FARS2: variants seen among roughly 807,000 people sequenced by gnomAD.
FARS2 encodes phenylalanine--tRNA ligase, mitochondrial.
In FARS2, 40 loss-of-function variants were observed where a neutral mutation model predicts 46.4. That is an observed-to-expected ratio of 0.86 (90% confidence interval 0.67 to 1.12). The LOEUF is 1.12. Among genes scored for constraint, FARS2 ranks in the 50% most tolerant of loss-of-function variants. FARS2 has a pLI of 0.00. For missense variants in FARS2, 513 were observed against 567.9 expected, an observed-to-expected ratio of 0.90 and a Z score of 0.98; for synonymous variants, 234 against 214.9, an observed-to-expected ratio of 1.09 and a Z score of -0.78.
intron 1 of FARS2, among the ~76,000 whole-genome samples, chr6:5,357,877 A>C (rs1758038527): frequency 6.6e-6 from 1 of 152,232 alleles, no homozygotes; most frequent in Non-Finnish European, 1.5e-5. Flanking sequence ...GAAAAGAGTA[A>C]TGAAGAAACG....
chr6:5,377,573 A>T (rs1488820670), intron 2 of FARS2, among the ~76,000 whole-genome samples: 3 of 152,130 alleles, frequency 2.0e-5, no homozygotes, highest in Non-Finnish European at 4.4e-5. Context: ...TTGTTTTCTT[A>T]AATTTTATAC....
In FARS2 at chr6:5,358,196, A is replaced by T. The variant is rs563391416; in HGVS notation, c.-21-10354A>T. Among the ~76,000 whole-genome samples the T allele has an allele frequency of 4.6e-5, 7 of 152,308 alleles. No individual in the cohort carries two copies. In the South Asian group the frequency reaches 6.2e-4, roughly 14 times the overall value. On this transcript the variant is annotated intron_variant, in intron 1 of 6. Transcript: ENST00000274680. ...TGGTTTAGAGAGTTGATTTAAAAAAATTTTTAATTTTACTTGCCATAACTA... is the reference window on the plus strand; with the variant it reads ...TGGTTTAGAGAGTTGATTTAAAAAATTTTTTAATTTTACTTGCCATAACTA...
chr6:5,490,538 C>T (rs558731042), intron 4 of FARS2, among the ~76,000 whole-genome samples: 10 of 152,328 alleles, frequency 6.6e-5, no homozygotes, highest in East Asian at 5.8e-4. Flanking sequence ...CCCCAGTGAT[C>T]GCTGCTTCCT....
chr6:5,395,832 C>G (rs1427223960), intron 2 of FARS2, among the ~76,000 whole-genome samples: 1 of 152,190 alleles, frequency 6.6e-6, no homozygotes, highest in African/African-American at 2.4e-5. Context: ...TTCTCTGCAA[C>G]TTCAAATGTA....
intron 3 of FARS2, among the ~76,000 whole-genome samples, chr6:5,419,248 AT>A (rs927160296): frequency 6.6e-5 from 10 of 152,134 alleles, no homozygotes; most frequent in Non-Finnish European, 1.5e-4. Context: ...ATTTTTATGA[AT>A]TTTATTTTCT....
At chr6:5,410,127 A>ATT (rs1761850481) in intron 3 of FARS2, among the ~76,000 whole-genome samples, 1 of 151,024 alleles carries the variant, frequency 6.6e-6, no homozygotes, top group South Asian at 2.1e-4. Flanking sequence ...ACTCTGAAGA[A>ATT]AAGTGCTTTG....
intron 6 of FARS2, among the ~76,000 whole-genome samples, chr6:5,735,794 A>G (rs767882839): frequency 2.0e-4 from 31 of 152,224 alleles, no homozygotes; most frequent in Non-Finnish European, 3.1e-4. Flanking sequence ...AGCCTATCGA[A>G]CACATGCTGT....
intron 6 of FARS2, among the ~76,000 whole-genome samples, chr6:5,650,625 C>T (rs1422565119): frequency 1.3e-5 from 2 of 152,092 alleles, no homozygotes; most frequent in African/African-American, 2.4e-5. Context: ...GGACTACAGG[C>T]ACCCGCCACC....
chr6:5,715,891 T>G (rs1303709506), intron 6 of FARS2, among the ~76,000 whole-genome samples: 1 of 152,228 alleles, frequency 6.6e-6, no homozygotes, highest in Admixed American at 6.5e-5. Flanking sequence ...ATTACCAAAC[T>G]GTTTTCCAAA....
At chr6:5,349,771 T>C (rs1019168459) in intron 1 of FARS2, among the ~76,000 whole-genome samples, 1 of 152,194 alleles carries the variant, frequency 6.6e-6, no homozygotes, top group African/African-American at 2.4e-5. Flanking sequence ...TATACTCTCC[T>C]TGTTTCTGGT....
chr6:5,433,310 CT>C (rs1763336768), intron 4 of FARS2, among the ~76,000 whole-genome samples: 1 of 152,304 alleles, frequency 6.6e-6, no homozygotes, highest in South Asian at 2.1e-4. Flanking sequence ...AGCAAAGGGT[CT>C]GGCACACAGC....
intron 6 of FARS2, among the ~76,000 whole-genome samples, chr6:5,702,310 G>A (rs1218975826): frequency 6.6e-6 from 1 of 152,196 alleles, no homozygotes; most frequent in East Asian, 1.9e-4. Context: ...GTATTTCAAA[G>A]TGTTCCTTTA....
intron 1 of FARS2, among the ~76,000 whole-genome samples, chr6:5,315,519 C>T (rs894183755): frequency 5.3e-5 from 8 of 152,252 alleles, no homozygotes; most frequent in African/African-American, 1.7e-4. Context: ...CCAAAAATCA[C>T]AGGAGTAAAT....
In FARS2 at chr6:5,300,039, A is replaced by G. The variant is rs554922577; in HGVS notation, c.-22+38379A>G. The stretch of plus-strand genomic sequence containing the variant: ...TTGGAGCAGAAAGTTTAGATGTCAA[A>G]TTTAAAAATGTTTTCATTTTTTGTT... On this transcript the variant is annotated intron_variant, in intron 1 of 6. Transcript: ENST00000274680. 2.6e-5 allele frequency among the ~76,000 whole-genome samples: 4 copies of G among 152,322 alleles called. No homozygotes were observed. The South Asian group carries it at 8.3e-4, about 32-fold the overall frequency.
At chr6:5,691,866 C>A (rs1757751975) in intron 6 of FARS2, among the ~76,000 whole-genome samples, 2 of 152,206 alleles carry the variant, frequency 1.3e-5, no homozygotes, top group Non-Finnish European at 2.9e-5. Context: ...GCTTTGTTTA[C>A]CTACTCACAC....
intron 6 of FARS2, among the ~76,000 whole-genome samples, chr6:5,617,644 A>C (rs1056361315): frequency 6.6e-6 from 1 of 152,118 alleles, no homozygotes; most frequent in African/African-American, 2.4e-5. Context: ...AGTTGAATTG[A>C]GGGTATTCTT....
intron 4 of FARS2, among the ~76,000 whole-genome samples, chr6:5,436,899 A>T (rs553301501): frequency 2.6e-5 from 4 of 152,248 alleles, no homozygotes; most frequent in Admixed American, 2.0e-4. Context: ...ATTTTTCCCA[A>T]TTTTTTTGGG....
intron 4 of FARS2, among the ~76,000 whole-genome samples, chr6:5,500,538 C>A (rs1468469649): frequency 6.6e-6 from 1 of 152,174 alleles, no homozygotes; most frequent in Non-Finnish European, 1.5e-5. Flanking sequence ...AGAGGAGAGG[C>A]CTGTGCAGTT....
intron 6 of FARS2, among the ~76,000 whole-genome samples, chr6:5,616,939 G>C (rs1775507471): frequency 6.6e-6 from 1 of 151,790 alleles, no homozygotes; most frequent in Non-Finnish European, 1.5e-5. Flanking sequence ...TTTCTGTTGT[G>C]CTGGATGTGG....
Sources: allele counts gnomAD v4.1 joint callset (sites outside exome capture counted in the v4.1 genomes callset), GRCh38; gene constraint gnomAD v4.1.1; transcripts MANE v1.5; gene names NCBI Gene and HGNC (gene_info 2026-07-23, HGNC 2026-07-21).